CFAP299: variants seen among roughly 807,000 people sequenced by gnomAD.
The protein encoded by CFAP299 is cilia- and flagella-associated protein 299.
Under a neutral mutation model 27.0 loss-of-function variants are expected in CFAP299, and 21 were observed. The observed-to-expected ratio is 0.78, with a 90% CI of 0.55 to 1.12. The LOEUF (loss-of-function observed/expected upper bound fraction) is 1.12. Ranked by LOEUF, CFAP299 falls within the 50% of genes most tolerant of loss-of-function variation. The probability of loss-of-function intolerance (pLI) is 0.00; values close to 1 mark genes in which losing one functional copy is unlikely to be tolerated. For synonymous variants in CFAP299, 104 were observed against 98.1 expected (o/e 1.06, Z -0.36); for missense variants, 310 against 276.6 (o/e 1.12, Z -0.86).
chr4:80,823,572 A>G (rs1012874368), intron 3 of CFAP299, among the ~76,000 whole-genome samples: 2 of 152,156 alleles, frequency 1.3e-5, no homozygotes, highest in Non-Finnish European at 2.9e-5. Context: ...AGTAGCTGAA[A>G]TGATACTAAA....
intron 3 of CFAP299, among the ~76,000 whole-genome samples, chr4:80,857,077 C>G (rs987291300): frequency 2.0e-5 from 3 of 152,164 alleles, no homozygotes; most frequent in African/African-American, 7.2e-5. Context: ...TCTTTTATTT[C>G]ACTGAACAGT....
chr4:80,887,809 A>G (rs368385554), intron 4 of CFAP299, among the ~76,000 whole-genome samples: 11 of 152,242 alleles, frequency 7.2e-5, no homozygotes, highest in African/African-American at 1.9e-4. Flanking sequence ...GGAGAAATAG[A>G]AAAAGTTAAA....
chr4:80,440,153 C>A (rs1197572591), intron 2 of CFAP299, among the ~76,000 whole-genome samples: 1 of 152,170 alleles, frequency 6.6e-6, no homozygotes, highest in African/African-American at 2.4e-5. Flanking sequence ...TTCCTGCCTG[C>A]CAGCTCTGAA....
At chr4:80,521,069 A>G (rs555961776) in intron 2 of CFAP299, among the ~76,000 whole-genome samples, 1 of 152,206 alleles carries the variant, frequency 6.6e-6, no homozygotes, top group Non-Finnish European at 1.5e-5. Flanking sequence ...CAATGACATC[A>G]AATATGTAGA....
intron 3 of CFAP299, among the ~76,000 whole-genome samples, chr4:80,797,673 G>A (rs142114968): frequency 0.018 from 2,764 of 152,266 alleles, 47 homozygotes; most frequent in Non-Finnish European, 0.028. Flanking sequence ...ACAGAGAAGA[G>A]CAATTACAGG....
intron 3 of CFAP299, among the ~76,000 whole-genome samples, chr4:80,590,511 G>C (rs1485736625): frequency 6.6e-6 from 1 of 151,948 alleles, no homozygotes; most frequent in Non-Finnish European, 1.5e-5. Context: ...GGTGGCGGGT[G>C]CCTGTAACTC....
intron 3 of CFAP299, among the ~76,000 whole-genome samples, chr4:80,799,387 TATA>T (rs1170290281): frequency 1.1e-5 from 1 of 92,788 alleles, no homozygotes; most frequent in Non-Finnish European, 1.9e-5. Context: ...AATGTATTTA[TATA>T]ATATTTATAT....
chr4:80,739,630 T>G (rs1241029078), intron 3 of CFAP299, among the ~76,000 whole-genome samples: 1 of 152,142 alleles, frequency 6.6e-6, no homozygotes, highest in Non-Finnish European at 1.5e-5. Context: ...ATCCTAGATC[T>G]TCAAAGTTTG....
At chr4:80,560,259 C>G (rs1329384556) in intron 2 of CFAP299, among the ~76,000 whole-genome samples, 1 of 151,968 alleles carries the variant, frequency 6.6e-6, no homozygotes, top group Non-Finnish European at 1.5e-5. Flanking sequence ...GTCCTGGAAG[C>G]ATTTATCACC....
At chr4:80,474,208 T>C (rs1730160049) in intron 2 of CFAP299, among the ~76,000 whole-genome samples, 1 of 152,170 alleles carries the variant, frequency 6.6e-6, no homozygotes, top group Admixed American at 6.5e-5. Flanking sequence ...TTAACCTATT[T>C]AATTATGAAT....
chr4:80,717,245 T>A (rs1722542859), intron 3 of CFAP299, among the ~76,000 whole-genome samples: 2 of 152,078 alleles, frequency 1.3e-5, no homozygotes, highest in African/African-American at 4.8e-5. Flanking sequence ...TAGAGGAGTA[T>A]CTGACCTACC....
At chr4:80,670,358 T>A (rs1741406293) in intron 3 of CFAP299, among the ~76,000 whole-genome samples, 2 of 152,220 alleles carry the variant, frequency 1.3e-5, no homozygotes, top group Non-Finnish European at 2.9e-5. Flanking sequence ...ATGGTGTACA[T>A]GTGCCACAAT....
intron 2 of CFAP299, among the ~76,000 whole-genome samples, chr4:80,451,522 G>T (rs1394232872): frequency 1.3e-5 from 2 of 152,280 alleles, no homozygotes; most frequent in South Asian, 2.1e-4. Context: ...ATGTAGTAAA[G>T]ATTTTTATAT....
At chr4:80,840,938 G>A (rs981887158) in intron 3 of CFAP299, among the ~76,000 whole-genome samples, 3 of 151,910 alleles carry the variant, frequency 2.0e-5, no homozygotes, top group African/African-American at 4.8e-5. Flanking sequence ...TCAGAGAGCC[G>A]GCTCATGACA....
chr4:80,722,916 A>G (rs1322435916), intron 3 of CFAP299, among the ~76,000 whole-genome samples: 2 of 152,068 alleles, frequency 1.3e-5, no homozygotes, highest in Non-Finnish European at 2.9e-5. Flanking sequence ...AAACAAAAAA[A>G]AATCAATAAT....
intron 2 of CFAP299, among the ~76,000 whole-genome samples, chr4:80,394,935 C>T (rs1725697692): frequency 6.6e-6 from 1 of 151,762 alleles, no homozygotes. Flanking sequence ...CAAAACTTTA[C>T]AACATTTTTT....
intron 3 of CFAP299, among the ~76,000 whole-genome samples, chr4:80,859,357 T>C (rs1029904193): frequency 6.6e-6 from 1 of 152,214 alleles, no homozygotes; most frequent in African/African-American, 2.4e-5. Flanking sequence ...GTCTTGACTC[T>C]TTATCCAATT....
chr4:80,538,688 T>A (rs11944437), intron 2 of CFAP299, among the ~76,000 whole-genome samples: 54,762 of 152,048 alleles, frequency 0.36, 12,774 homozygotes, highest in African/African-American at 0.67. Context: ...TAGAGGTTTG[T>A]CGCCTAGGAG....
In CFAP299 at chr4:80,604,826, C is replaced by T. The variant is rs79120197; in HGVS notation, c.333+21643C>T. Among the ~76,000 whole-genome samples, 1,034 of 149,814 alleles carry T rather than the reference C, an allele frequency of 6.9e-3. 13 individuals are homozygous for T. Among genetic ancestry groups the T allele is most frequent in the African/African-American group, 0.024 (989 of 40,682 alleles). ...TATGAATTGCACGTCACATCAGAAA[C>T]GCAGGATGGATAGATATTAATGACT... On this transcript the variant is annotated intron_variant, in intron 3 of 5. Transcript: ENST00000358105.
Sources: gnomAD v4.1 joint callset for allele counts (sites outside exome capture counted in the v4.1 genomes callset) on GRCh38, gnomAD v4.1.1 for gene constraint, MANE v1.5 for transcripts, NCBI Gene and HGNC (gene_info 2026-07-23, HGNC 2026-07-21) for gene names.